Variants in PRR16 observed in about 807,000 individuals in gnomAD.
PRR16 encodes proline rich 16, also known as protein Largen.
Under a neutral mutation model 18.2 loss-of-function variants are expected in PRR16, and 6 were observed. That is an observed-to-expected ratio of 0.33 (90% CI 0.18 to 0.65). The LOEUF (loss-of-function observed/expected upper bound fraction) is 0.65, where lower values mean the gene tolerates loss of function less well. Among genes scored for constraint, PRR16 ranks in the 30% least tolerant of loss-of-function variants. PRR16 has a pLI of 0.74. For missense variants in PRR16, 412 were observed against 376.6 expected, an observed-to-expected ratio of 1.09 and a Z score of -0.78; for synonymous variants, 151 against 147.8, an observed-to-expected ratio of 1.02 and a Z score of -0.16.
intron 1 of PRR16, among the ~76,000 whole-genome samples, chr5:120,607,072 G>A (rs1754178475): frequency 6.6e-6 from 1 of 152,154 alleles, no homozygotes; most frequent in African/African-American, 2.4e-5. Context: ...GTTGCATGTA[G>A]AAATTTTAAG....
chr5:120,625,786 A>G (rs576784770), intron 1 of PRR16, among the ~76,000 whole-genome samples: 5 of 150,948 alleles, frequency 3.3e-5, no homozygotes, highest in African/African-American at 7.4e-5. Context: ...CAGCACTACC[A>G]CTTTCTTAAT....
chr5:120,783,424 A>G, the PRR16 span, among the ~76,000 whole-genome samples: 3 of 152,172 alleles, frequency 2.0e-5, no homozygotes, highest in African/African-American at 7.2e-5. Flanking sequence ...ATACATGGGC[A>G]GAAAGTAGAA....
chr5:120,754,275 A>G, the PRR16 span, among the ~76,000 whole-genome samples: 1 of 38,642 alleles, frequency 2.6e-5, no homozygotes, highest in Non-Finnish European at 4.7e-5. Flanking sequence ...AATATAAAAT[A>G]ATATATAAAT....
At chr5:120,597,333 GA>G (rs1290984698) in intron 1 of PRR16, among the ~76,000 whole-genome samples, 1 of 151,536 alleles carries the variant, frequency 6.6e-6, no homozygotes. Context: ...GTCTTGTTAA[GA>G]AGTCCATTTG....
intron 1 of PRR16, among the ~76,000 whole-genome samples, chr5:120,644,096 G>T (rs181428835): frequency 6.6e-6 from 1 of 151,994 alleles, no homozygotes; most frequent in East Asian, 1.9e-4. Flanking sequence ...TTCTAAAACT[G>T]TTCCTTCTCT....
chr5:120,727,627 C>T, the PRR16 span, among the ~76,000 whole-genome samples: 1 of 152,196 alleles, frequency 6.6e-6, no homozygotes, highest in Admixed American at 6.6e-5. Context: ...AATTACTTTG[C>T]AGATATGCAA....
At chr5:120,786,801 C>T in the PRR16 span, among the ~76,000 whole-genome samples, 2 of 151,960 alleles carry the variant, frequency 1.3e-5, no homozygotes, top group East Asian at 1.9e-4. Context: ...TTCTCAGTCA[C>T]TTAATATGTT....
chr5:120,601,048 C>CT (rs200642781), intron 1 of PRR16, among the ~76,000 whole-genome samples: 1,736 of 152,046 alleles, frequency 0.011, 37 homozygotes, highest in African/African-American at 0.039. Flanking sequence ...CTGCATATGT[C>CT]TTTTTGGTAG....
chr5:120,785,569 G>GTTTTTTTTTTTTTTTTTT, the PRR16 span, among the ~76,000 whole-genome samples: 8 of 99,604 alleles, frequency 8.0e-5, no homozygotes, highest in African/African-American at 2.7e-4. Context: ...GTGTTTTGTT[G>GTTTTTTTTTTTTTTTTTT]TTGTTGTTTT....
At chr5:120,547,501 A>G (rs768207354) in intron 1 of PRR16, among the ~76,000 whole-genome samples, 3 of 151,908 alleles carry the variant, frequency 2.0e-5, no homozygotes, top group East Asian at 3.9e-4. Flanking sequence ...GCCTCTGTTT[A>G]CTTTTATATG....
intron 1 of PRR16, among the ~76,000 whole-genome samples, chr5:120,594,261 T>C (rs78091179): frequency 0.059 from 8,904 of 152,084 alleles, 336 homozygotes; most frequent in South Asian, 0.084. Context: ...CCCCATAGTT[T>C]CAGGATACAA....
chr5:120,580,004 A>C (rs1234769923), intron 1 of PRR16, among the ~76,000 whole-genome samples: 1 of 152,120 alleles, frequency 6.6e-6, no homozygotes, highest in Non-Finnish European at 1.5e-5. Context: ...ATTGTGAATG[A>C]GAGTTCATTC....
chr5:120,568,084 A>G (rs1461900224), intron 1 of PRR16, among the ~76,000 whole-genome samples: 1 of 152,214 alleles, frequency 6.6e-6, no homozygotes, highest in Non-Finnish European at 1.5e-5. Context: ...ACAAATGATT[A>G]CAAGATTTAT....
chr5:120,541,756 G>C (rs1751923536), intron 1 of PRR16, among the ~76,000 whole-genome samples: 1 of 152,076 alleles, frequency 6.6e-6, no homozygotes, highest in Non-Finnish European at 1.5e-5. Flanking sequence ...ATATGGGAGT[G>C]TTCCTGCCAG....
At chr5:120,728,665 G>A in the PRR16 span, among the ~76,000 whole-genome samples, 2 of 152,158 alleles carry the variant, frequency 1.3e-5, no homozygotes, top group Non-Finnish European at 2.9e-5. Flanking sequence ...ACTCTACAGC[G>A]AAATGCTTCA....
At chr5:120,787,960 C>T in the PRR16 span, among the ~76,000 whole-genome samples, 2 of 151,764 alleles carry the variant, frequency 1.3e-5, no homozygotes, top group Non-Finnish European at 2.9e-5. Flanking sequence ...TATTAAAGGT[C>T]TTACTCTCTC....
At chr5:120,669,367 T>A (rs1337548557) in intron 1 of PRR16, among the ~76,000 whole-genome samples, 1 of 152,140 alleles carries the variant, frequency 6.6e-6, no homozygotes, top group African/African-American at 2.4e-5. Flanking sequence ...CTCCCCCATT[T>A]AGTTTGCCAA....
At chr5:120,725,770 T>C in the PRR16 span, among the ~76,000 whole-genome samples, 2 of 152,120 alleles carry the variant, frequency 1.3e-5, no homozygotes, top group Non-Finnish European at 2.9e-5. Context: ...CTTACTCTTC[T>C]GAGAGCTTAG....
chr5:120,675,086 T>C lies in PRR16; in HGVS notation c.160-10868T>C, dbSNP rs1463026988. Among the ~76,000 whole-genome samples the C allele has an allele frequency of 2.0e-5, 3 of 152,274 alleles. No individual in the cohort carries two copies. The East Asian group carries it at 5.8e-4, about 29-fold the overall frequency. ...ATTGATCAATTCATTCATTTTGGTC[T>C]TTCTGTTTTGTGTTGTTGCTTATTT... On this transcript the variant is annotated intron_variant, in intron 1 of 1. Transcript: ENST00000407149.
Sources: allele counts gnomAD v4.1 joint callset (sites outside exome capture counted in the v4.1 genomes callset), GRCh38; gene constraint gnomAD v4.1.1; transcripts MANE v1.5; gene names NCBI Gene and HGNC (gene_info 2026-07-23, HGNC 2026-07-21).